SRFBP1: variants seen among roughly 807,000 people sequenced by gnomAD.
SRFBP1 encodes the protein serum response factor binding protein 1.
SRFBP1 carries 47 observed loss-of-function variants against 45.5 expected under a neutral mutation model. That is an observed-to-expected ratio of 1.03 (90% CI 0.82 to 1.32). The LOEUF is 1.32. Ranked by LOEUF, SRFBP1 falls within the 40% of genes most tolerant of loss-of-function variation. The probability of loss-of-function intolerance (pLI) is 0.00; values close to 1 mark genes in which losing one functional copy is unlikely to be tolerated. For missense variants in SRFBP1, 621 were observed against 484.6 expected (o/e 1.28, Z -2.64); for synonymous variants, 203 against 166.3 (o/e 1.22, Z -1.70).
chr5:121,999,294 A>C (rs193188682), intron 4 of SRFBP1, among the ~76,000 whole-genome samples: 6 of 152,012 alleles, frequency 3.9e-5, no homozygotes, highest in Admixed American at 3.9e-4. Context: ...ATCTTTTTGC[A>C]ATTTTTTTTA....
Position 122,020,772 on chromosome 5 carries a change from A to C in SRFBP1, c.1037A>C (p.His346Pro), listed in dbSNP as rs1430048824. The C allele has an allele frequency of 6.3e-7, 1 of 1,587,516 alleles. No homozygotes were observed. The highest frequency in any genetic ancestry group is 1.9e-5 in the Admixed American group (1 of 53,860). The change falls in exon 6 of 8, where the codon CAC becomes CCC. Residue 346 changes from histidine (H) to proline (P), a missense_variant. Transcript: ENST00000339397. ...ETRKLESVFF[H>P]SLSGSKSSRR... ...AGAAAGTTAGAATCAGTGTTTTTCC[A>C]CTCTTTATCTGGATCTAAAAGCTCT...
chr5:121,984,626 A>G (rs960967034), intron 3 of SRFBP1, among the ~76,000 whole-genome samples: 1 of 151,844 alleles, frequency 6.6e-6, no homozygotes, highest in Non-Finnish European at 1.5e-5. Context: ...CATATACAAC[A>G]TCAACATTCC....
In SRFBP1 at chr5:121,961,975, G is replaced by T; in HGVS notation, c.-58G>T. 1 of 1,607,986 alleles carries T rather than the reference G, an allele frequency of 6.2e-7. No homozygotes were observed. Among genetic ancestry groups the T allele is most frequent in the South Asian group, 1.1e-5 (1 of 90,968 alleles). On this transcript the variant is annotated 5_prime_UTR_variant, in exon 1 of 8. Transcript: ENST00000339397. ...CGTTGAGGGGCGTGGCGACGCAGCC[G>T]CGGTCTGAGAGACCGGTTCACGTGC...
At chr5:122,039,196 A>G (rs1367190109) in intron 2 of SRFBP1, among the ~76,000 whole-genome samples, 1 of 152,088 alleles carries the variant, frequency 6.6e-6, no homozygotes, top group Non-Finnish European at 1.5e-5. Flanking sequence ...ATTTGTCCTT[A>G]CTCATCCTAA....
chr5:121,994,007 A>G (rs894650694), intron 3 of SRFBP1, among the ~76,000 whole-genome samples: 1 of 152,050 alleles, frequency 6.6e-6, no homozygotes, highest in African/African-American at 2.4e-5. Flanking sequence ...ATTTTTATCA[A>G]TATTCCATGT....
intron 4 of SRFBP1, among the ~76,000 whole-genome samples, chr5:122,018,650 G>C (rs144352661): frequency 1.3e-5 from 2 of 152,306 alleles, no homozygotes; most frequent in African/African-American, 4.8e-5. Flanking sequence ...TCGAAATTTA[G>C]ATGTTGTCAG....
intron 7 of SRFBP1, 51 bp downstream of exon 7, chr5:122,022,458 C>T: frequency 5.9e-6 from 9 of 1,514,008 alleles, no homozygotes; most frequent in Non-Finnish European, 8.1e-6. Flanking sequence ...CTATGTTTTA[C>T]CAGAGTAAAA....
chr5:122,077,768 C>G, downstream of SRFBP1: 6 of 1,550,024 alleles, frequency 3.9e-6, no homozygotes, highest in Non-Finnish European at 5.2e-6. This position sits in a 1 kb window ranked among gnomAD's most constrained non-coding sequence, Gnocchi z 4.9. Context: ...GACGGCGGCG[C>G]CCGGGTCCCG....
intron 1 of SRFBP1, among the ~76,000 whole-genome samples, chr5:121,962,931 C>CA (rs1751980442): frequency 6.6e-6 from 1 of 152,158 alleles, no homozygotes; most frequent in South Asian, 2.1e-4. Flanking sequence ...AACCTATACT[C>CA]AAGTAAGAGA....
intron 3 of SRFBP1, among the ~76,000 whole-genome samples, chr5:121,977,963 A>G (rs567712981): frequency 5.9e-5 from 9 of 152,288 alleles, no homozygotes; most frequent in African/African-American, 2.2e-4. Flanking sequence ...TAGTAGAAAT[A>G]TTGCCTTCTA....
At chr5:122,010,241 A>G (rs545943289) in intron 4 of SRFBP1, among the ~76,000 whole-genome samples, 2 of 152,210 alleles carry the variant, frequency 1.3e-5, no homozygotes, top group African/African-American at 4.8e-5. Flanking sequence ...CCTAGAATTC[A>G]TTATAAGTAC....
At chr5:122,005,365 T>C (rs1752954257) in intron 4 of SRFBP1, among the ~76,000 whole-genome samples, 1 of 152,142 alleles carries the variant, frequency 6.6e-6, no homozygotes, top group Non-Finnish European at 1.5e-5. Context: ...GTTATATCCG[T>C]CTGATGAATT....
In SRFBP1 at chr5:122,020,472, A is replaced by G; in HGVS notation, c.737A>G (p.Asn246Ser). The change falls in exon 6 of 8, where the codon AAC becomes AGC. Residue 246 changes from asparagine to serine, a missense_variant. Transcript: ENST00000339397. ...GGATCTGATAGCTCACTCTCTGGTAACAGTGATGGCGGAGAAGAATTTTGT... is the reference window on the plus strand; with the variant it reads ...GGATCTGATAGCTCACTCTCTGGTAGCAGTGATGGCGGAGAAGAATTTTGT... ...NKGSDSSLSG[N>S]SDGGEEFCEE... 1 of 1,614,150 alleles carries G rather than the reference A, an allele frequency of 6.2e-7. No individual in the cohort carries two copies. The highest frequency in any genetic ancestry group is 8.5e-7 in the Non-Finnish European group (1 of 1,179,994).
intron 2 of SRFBP1, among the ~76,000 whole-genome samples, chr5:122,042,070 C>G (rs1242075435): frequency 2.0e-5 from 3 of 151,794 alleles, no homozygotes; most frequent in African/African-American, 7.3e-5. Context: ...TTTTGTTGTT[C>G]TTTAAACATT....
chr5:121,976,312 C>T lies in SRFBP1; in HGVS notation c.198+925C>T, dbSNP rs566049526. 2.5e-4 allele frequency among the ~76,000 whole-genome samples: 38 copies of T among 151,940 alleles called. 1 individual carries two copies. In the South Asian group the frequency reaches 6.6e-3, roughly 27 times the overall value. On this transcript the variant is annotated intron_variant, in intron 3 of 7. Transcript: ENST00000339397. ...TGTTCTTCCTTCCCTCTGCTGCACA[C>T]TATTATAAAATTCATGGAATCCATC...
intron 6 of SRFBP1, 96 bp from the exon 7 acceptor site, chr5:122,022,274 C>T (rs1007063567): frequency 7.7e-6 from 8 of 1,036,576 alleles, no homozygotes; most frequent in Non-Finnish European, 1.1e-5. Context: ...TATAGTGGCC[C>T]TTTGAATTAG....
chr5:121,978,790 C>T (rs1334727191), intron 3 of SRFBP1, among the ~76,000 whole-genome samples: 1 of 152,162 alleles, frequency 6.6e-6, no homozygotes, highest in African/African-American at 2.4e-5. Flanking sequence ...CCACTCCTGG[C>T]CTATCTGTAT....
chr5:122,033,121 C>A (rs1339921891), downstream of SRFBP1, among the ~76,000 whole-genome samples: 1 of 150,980 alleles, frequency 6.6e-6, no homozygotes, highest in Non-Finnish European at 1.5e-5. Flanking sequence ...ACTTTTGTAT[C>A]AATTTTTTGA....
Position 121,969,074 on chromosome 5 carries a change from G to T in SRFBP1, c.37-5122G>T, listed in dbSNP as rs540373087. On this transcript the variant is annotated intron_variant, in intron 1 of 7. Transcript: ENST00000339397. The stretch of plus-strand genomic sequence containing the variant: ...CATTTAATTTTGTCTTTGGACCAAA[G>T]TCTCCTGTCTGCTTTGCATATCAGA... Among the ~76,000 whole-genome samples, 3 of 152,232 alleles carry T rather than the reference G, an allele frequency of 2.0e-5. No homozygotes were observed. In the South Asian group the frequency reaches 6.2e-4, roughly 32 times the overall value.
Sources: allele counts gnomAD v4.1 joint callset (sites outside exome capture counted in the v4.1 genomes callset), GRCh38; gene constraint gnomAD v4.1.1; non-coding constraint Gnocchi (gnomAD v3.1); transcripts MANE v1.5; gene names NCBI Gene and HGNC (gene_info 2026-07-23, HGNC 2026-07-21).